The following TEX11 variants were observed in gnomAD, a reference collection of about 807,000 sequenced individuals.
TEX11 encodes testis-expressed protein 11.
Under a neutral mutation model 84.4 loss-of-function variants are expected in TEX11, and 7 were observed. The ratio of observed to expected loss-of-function variants is 0.08; its 90% CI spans 0.05 to 0.16. The LOEUF is 0.16. Ranked by LOEUF, TEX11 falls within the 10% of genes least tolerant of loss-of-function variation. The pLI, the probability that TEX11 is intolerant of heterozygous loss-of-function variation, is 1.00. For missense variants in TEX11, 551 were observed against 660.5 expected, an observed-to-expected ratio of 0.83 and a Z score of 1.82; for synonymous variants, 264 against 222.8, an observed-to-expected ratio of 1.18 and a Z score of -1.64.
intron 17 of TEX11, among the ~76,000 whole-genome samples, chrX:70,639,938 A>C (rs1007212260): frequency 8.9e-6 from 1 of 112,038 alleles, no homozygotes; most frequent in African/African-American, 3.3e-5. Flanking sequence ...TGACGAGCTG[A>C]GAGAAGAAGA....
intron 28 of TEX11, among the ~76,000 whole-genome samples, chrX:70,547,777 TGGA>T (rs1603048647): frequency 8.9e-6 from 1 of 111,791 alleles, no homozygotes; most frequent in African/African-American, 3.3e-5. Flanking sequence ...CAACAGGTGC[TGGA>T]GAAGATGTGG....
Position 70,623,967 on chromosome X carries a change from C to A in TEX11, c.1734G>T (p.Met578Ile), listed in dbSNP as rs776240375. Residue 578 changes from methionine (M) to isoleucine (I), a missense_variant, in exon 20 of 30, where the codon ATG (methionine) becomes ATT (isoleucine). Transcript: ENST00000374333. The part of the protein sequence containing the change: ...LRFLLPKIAE[M>I]PESEDKKKEM... The stretch of plus-strand genomic sequence containing the variant: ...TAACTCACTTATCTTCAGATTCCGG[C>A]ATTTCAGCAATTTTTGGAAGAAGAA... 7.5e-6 allele frequency: 9 copies of A among 1,202,787 alleles called. No homozygotes were observed. The East Asian group carries it at 2.7e-4, about 36-fold the overall frequency.
intron 28 of TEX11, among the ~76,000 whole-genome samples, chrX:70,543,219 T>TA (rs1359023532): frequency 9.1e-6 from 1 of 110,438 alleles, no homozygotes; most frequent in African/African-American, 3.3e-5. Context: ...AAATAAAAAT[T>TA]AAAAAATTAA....
At chrX:70,784,139 T>G (rs1428814863) in intron 9 of TEX11, among the ~76,000 whole-genome samples, 2 of 112,019 alleles carry the variant, frequency 1.8e-5, no homozygotes, top group African/African-American at 6.5e-5. Flanking sequence ...TACGATCAAG[T>G]CAGCTTCATC....
chrX:70,862,408 T>A (rs2091575085), intron 4 of TEX11, among the ~76,000 whole-genome samples: 1 of 111,730 alleles, frequency 9.0e-6, no homozygotes, highest in African/African-American at 3.2e-5. Context: ...CCACTTCTAA[T>A]TAATAGTCCT....
Position 70,606,985 on chromosome X carries a change from T to G in TEX11, c.1924A>C (p.Arg642=), listed in dbSNP as rs778926134. ...VQCDKDPVMM[R]EFFILSYKMS... is the part of the protein sequence containing the mutation. ...TTATAAGAAAGTATAAAAAACTCTC[T>G]CATCATCACTGGATCTTTGTCACAT... Residue 642 remains arginine, a synonymous_variant, in exon 23 of 30, where the codon AGA becomes CGA. Coordinates refer to ENST00000374333, the MANE Select transcript of TEX11 (RefSeq NM_031276.3). 8.3e-7 allele frequency: 1 copy of G among 1,199,146 alleles called. No homozygotes were observed.
intron 9 of TEX11, among the ~76,000 whole-genome samples, chrX:70,795,813 C>T (rs928216395): frequency 9.0e-6 from 1 of 111,493 alleles, no homozygotes; most frequent in Non-Finnish European, 1.9e-5. Context: ...GATACGGCTG[C>T]TGTGACCAAA....
At chrX:70,832,635 C>T (rs5937002) in intron 8 of TEX11, among the ~76,000 whole-genome samples, 29,487 of 110,703 alleles carry the variant, frequency 0.27, 3,310 homozygotes, top group East Asian at 0.42. Flanking sequence ...AATTATATCT[C>T]CATTATTAAT....
intron 13 of TEX11, among the ~76,000 whole-genome samples, chrX:70,692,049 A>G (rs934131475): frequency 2.7e-5 from 3 of 111,856 alleles, no homozygotes; most frequent in Middle Eastern, 9.2e-3. Context: ...AAAAGTTTGG[A>G]AAAAAATATA....
chrX:70,661,209 C>T (rs935803263), intron 16 of TEX11, among the ~76,000 whole-genome samples: 1 of 112,335 alleles, frequency 8.9e-6, no homozygotes, highest in Non-Finnish European at 1.9e-5. Context: ...TCTTAGCAAA[C>T]GGCACACCAG....
At chrX:70,657,523 G>A (rs2089880905) in intron 16 of TEX11, among the ~76,000 whole-genome samples, 1 of 105,179 alleles carries the variant, frequency 9.5e-6, no homozygotes, top group Admixed American at 1.0e-4. Flanking sequence ...AAGCATGTCA[G>A]AAAAATGTGC....
intron 20 of TEX11, among the ~76,000 whole-genome samples, chrX:70,615,323 A>C (rs1159792015): frequency 9.0e-6 from 1 of 111,642 alleles, no homozygotes; most frequent in Non-Finnish European, 1.9e-5. Flanking sequence ...GAACTCTATC[A>C]CATAAATTTA....
At chrX:70,719,382 G>A (rs775409996) in intron 13 of TEX11, among the ~76,000 whole-genome samples, 9 of 111,682 alleles carry the variant, frequency 8.1e-5, no homozygotes, top group Non-Finnish European at 1.7e-4. Context: ...TAAGACACAG[G>A]CACTATGTTC....
At chrX:70,746,560 C>A (rs192054810) in intron 9 of TEX11, among the ~76,000 whole-genome samples, 1 of 111,912 alleles carries the variant, frequency 8.9e-6, no homozygotes, top group South Asian at 3.8e-4. Context: ...CAGCTCTAGT[C>A]GTGTGGCACA....
At chrX:70,632,942 G>A (rs1007657959) in intron 17 of TEX11, among the ~76,000 whole-genome samples, 1 of 111,457 alleles carries the variant, frequency 9.0e-6, no homozygotes, top group Non-Finnish European at 1.9e-5. Context: ...TTTGCATAAA[G>A]AAAACTCCAG....
chrX:70,585,748 T>C (rs899403644), intron 25 of TEX11, among the ~76,000 whole-genome samples: 5 of 112,496 alleles, frequency 4.4e-5, no homozygotes, highest in African/African-American at 1.6e-4. Context: ...GACCATTATA[T>C]GGGACAAAGA....
chrX:70,873,323 C>T lies in TEX11; in HGVS notation c.160-16G>A, dbSNP rs377274590. Reference sequence around the variant, plus strand: ...TTTCTTCAATCTGGTCAAAGAGAAACATTTCCTTAGTTAGTTAAAATACTG... The same window carrying T: ...TTTCTTCAATCTGGTCAAAGAGAAATATTTCCTTAGTTAGTTAAAATACTG... On this transcript the variant is annotated splice_polypyrimidine_tract_variant and intron_variant, in intron 3 of 29. Transcript: ENST00000374333. The T allele has an allele frequency of 3.6e-4, 397 of 1,106,664 alleles. 1 individual carries two copies. Among genetic ancestry groups the T allele is most frequent in the Non-Finnish European group, 4.4e-4 (356 of 802,419 alleles). The allele number at this position is 1,106,664 out of a possible 1,213,427, so 91.2% of individuals were successfully genotyped here.
intron 9 of TEX11, among the ~76,000 whole-genome samples, chrX:70,800,694 T>C (rs866306991): frequency 0.074 from 6,978 of 93,667 alleles, 205 homozygotes; most frequent in East Asian, 0.13. Context: ...GTGCTTTTTT[T>C]TTTTTTTTTT....
chrX:70,705,654 T>C (rs1178976123), intron 13 of TEX11, among the ~76,000 whole-genome samples: 1 of 111,927 alleles, frequency 8.9e-6, no homozygotes, highest in Non-Finnish European at 1.9e-5. Context: ...GCAAAGGATA[T>C]GAGCAGACAC....
Sources: allele counts gnomAD v4.1 joint callset (sites outside exome capture counted in the v4.1 genomes callset), GRCh38; gene constraint gnomAD v4.1.1; transcripts MANE v1.5; gene names NCBI Gene and HGNC (gene_info 2026-07-23, HGNC 2026-07-21).